Variants in ITGAE observed in about 807,000 individuals in gnomAD.
The protein encoded by ITGAE is integrin alpha-E.
A neutral mutation model predicts 136.5 loss-of-function variants in ITGAE; 99 were observed. The ratio of observed to expected loss-of-function variants is 0.73; its 90% confidence interval spans 0.62 to 0.86. ITGAE has a LOEUF of 0.86. Ranked by LOEUF, ITGAE falls within the 40% of genes least tolerant of loss-of-function variation. ITGAE has a pLI of 0.00. For synonymous variants in ITGAE, 613 were observed against 591.8 expected, an observed-to-expected ratio of 1.04 and a Z score of -0.52; for missense variants, 1,447 against 1,515.3, an observed-to-expected ratio of 0.95 and a Z score of 0.75.
intron 21 of ITGAE, among the ~76,000 whole-genome samples, chr17:3,732,847 A>G (rs2051375848): frequency 6.6e-6 from 1 of 152,162 alleles, no homozygotes; most frequent in Non-Finnish European, 1.5e-5. Context: ...GGCACACACC[A>G]GCACTGCCAC....
intron 10 of ITGAE, 34 bp downstream of exon 10, chr17:3,756,950 C>G (rs762525733): frequency 3.2e-6 from 5 of 1,587,064 alleles, no homozygotes; most frequent in Non-Finnish European, 4.3e-6. Context: ...TAGGCTCGGG[C>G]CTCCTGCGGT....
intron 1 of ITGAE, among the ~76,000 whole-genome samples, chr17:3,785,488 GA>G (rs2052762810): frequency 7.4e-6 from 1 of 135,448 alleles, no homozygotes; most frequent in African/African-American, 2.9e-5. Flanking sequence ...AGGAAGGAAG[GA>G]AGGAAGGAGG....
At chr17:3,759,576 C>T in intron 7 of ITGAE, 23 bp from the exon 8 acceptor site, 1 of 1,597,684 alleles carries the variant, frequency 6.3e-7, no homozygotes, top group Non-Finnish European at 8.6e-7. Flanking sequence ...GGCAGGAGGG[C>T]AGGAGGTTGG....
chr17:3,751,596 T>A (rs2051868298), intron 15 of ITGAE, 54 bp downstream of exon 15: 2 of 1,528,512 alleles, frequency 1.3e-6, no homozygotes. Context: ...GGTCATCATA[T>A]CTGAGAGAGG....
intron 1 of ITGAE, among the ~76,000 whole-genome samples, chr17:3,787,629 G>T (rs1413698569): frequency 6.6e-6 from 1 of 151,800 alleles, no homozygotes; most frequent in Admixed American, 6.6e-5. Context: ...TCTAACCGTG[G>T]AACTTCTGGA....
chr17:3,766,695 G>A (rs930049915), intron 2 of ITGAE, among the ~76,000 whole-genome samples: 1 of 151,744 alleles, frequency 6.6e-6, no homozygotes, highest in African/African-American at 2.4e-5. Context: ...CCAGCTACTC[G>A]GGAGGCTGAG....
At chr17:3,765,298 G>T (rs554618838) in intron 2 of ITGAE, among the ~76,000 whole-genome samples, 7 of 131,152 alleles carry the variant, frequency 5.3e-5, no homozygotes, top group Admixed American at 2.8e-4. Flanking sequence ...GCAGTGAGCC[G>T]AGATCACGCC....
Position 3,745,788 on chromosome 17 carries a change from G to C in ITGAE, c.2295C>G (p.Leu765=). 1 of 1,614,024 alleles carries C rather than the reference G, an allele frequency of 6.2e-7. No individual in the cohort carries two copies. Among genetic ancestry groups the C allele is most frequent in the Non-Finnish European group, 8.5e-7 (1 of 1,180,008 alleles). ...CCTCTCCCTCTGTGGGCATGAGCAG[G>C]AGGTCCTCACAAAGCTGGGATCCGC... is the stretch of plus-strand genomic sequence containing the variant. The part of the protein sequence containing the change: ...WSSGSQLCED[L]LLMPTEGELC... Residue 765 remains leucine (L), a synonymous_variant, in exon 18 of 31, where the codon CTC becomes CTG. Transcript: ENST00000263087.
At chr17:3,757,943 A>G (rs1306717122) in intron 8 of ITGAE, 84 bp from the exon 9 acceptor site, 2 of 1,491,246 alleles carry the variant, frequency 1.3e-6, no homozygotes, top group East Asian at 4.5e-5. Context: ...TCTGACCTGT[A>G]TTAGAATTGG....
At position 3,752,383 on chromosome 17, in the gene ITGAE, T is replaced by C. The variant is rs372536688; in HGVS notation, c.1669-509A>G. On this transcript the variant is annotated intron_variant, in intron 14 of 30. Transcript: ENST00000263087. ...AGCTTCCTCACCCGTAAGATGAGAG[T>C]GGCAGCTACCTCCCATAGTTACTAT... Among the ~76,000 whole-genome samples the C allele has an allele frequency of 3.3e-5, 5 of 152,146 alleles. No individual in the cohort carries two copies. In the East Asian group the frequency reaches 5.8e-4, roughly 18 times the overall value.
At chr17:3,750,612 A>T (rs2143019166) in intron 15 of ITGAE, 130 bp from the exon 16 acceptor site, 1 of 1,096,346 alleles carries the variant, frequency 9.1e-7, no homozygotes, top group East Asian at 2.6e-5. Context: ...GTCTAGAACC[A>T]GGAAAGAGGG....
chr17:3,768,942 G>A (rs2052358672), intron 2 of ITGAE, among the ~76,000 whole-genome samples: 1 of 152,076 alleles, frequency 6.6e-6, no homozygotes, highest in African/African-American at 2.4e-5. Context: ...CTGGGGCAGG[G>A]CTGAGGGGCG....
chr17:3,719,214 C>T (rs1977020), intron 29 of ITGAE, among the ~76,000 whole-genome samples: 64,486 of 131,428 alleles, frequency 0.49, 15,817 homozygotes, highest in East Asian at 0.67. Context: ...CCAGCCTGGG[C>T]GACACAGTGA....
In ITGAE at chr17:3,755,133, C is replaced by A. The variant is rs748852568; in HGVS notation, c.1368G>T (p.Ala456=). The A allele has an allele frequency of 1.1e-5, 17 of 1,587,564 alleles. No individual in the cohort carries two copies. Among genetic ancestry groups the A allele is most frequent in the Non-Finnish European group, 1.5e-5 (17 of 1,170,744 alleles). Reference sequence around the variant, plus strand: ...CGCCCTCACCCAGGTAGCTGTACTGCGCAGCCTCCGCGTCTGCCGCCGCCG... The same window carrying A: ...CGCCCTCACCCAGGTAGCTGTACTGAGCAGCCTCCGCGTCTGCCGCCGCCG... ...TAAAAADAEA[A]QYSYLGYAVA... Residue 456 remains alanine (A), a synonymous_variant, in exon 12 of 31, where the codon GCG becomes GCT. Coordinates refer to ENST00000263087, the MANE Select transcript of ITGAE (RefSeq NM_002208.5).
intron 27 of ITGAE, 28 bp downstream of exon 27, chr17:3,723,660 C>T (rs1203880408): frequency 1.3e-6 from 2 of 1,563,758 alleles, no homozygotes; most frequent in South Asian, 1.2e-5. Context: ...TCCGCCCTCC[C>T]CTGGCCTCTC....
At chr17:3,800,302 G>A (rs534413436) in intron 1 of ITGAE, among the ~76,000 whole-genome samples, 1 of 152,212 alleles carries the variant, frequency 6.6e-6, no homozygotes, top group Non-Finnish European at 1.5e-5. Context: ...GCTACCAGGA[G>A]CCTTTCATCC....
chr17:3,723,667 T>C (rs756913466), intron 27 of ITGAE, 21 bp downstream of exon 27: 1 of 1,571,980 alleles, frequency 6.4e-7, no homozygotes, highest in Admixed American at 1.9e-5. Context: ...TCCCCTGGCC[T>C]CTCGGGACGG....
intron 2 of ITGAE, among the ~76,000 whole-genome samples, chr17:3,765,926 T>A (rs970089980): frequency 6.6e-6 from 1 of 152,188 alleles, no homozygotes; most frequent in Non-Finnish European, 1.5e-5. Context: ...TCTGCTATCG[T>A]AGGCAGAATA....
chr17:3,715,052 A>C (rs1597286932), intron 30 of ITGAE, 110 bp from the exon 31 acceptor site: 2 of 648,636 alleles, frequency 3.1e-6, no homozygotes, highest in South Asian at 1.8e-5. Flanking sequence ...TCTGCTTCTC[A>C]TACTTACTAC....
Sources: allele counts gnomAD v4.1 joint callset (sites outside exome capture counted in the v4.1 genomes callset), GRCh38; gene constraint gnomAD v4.1.1; transcripts MANE v1.5; gene names NCBI Gene and HGNC (gene_info 2026-07-23, HGNC 2026-07-21).